TRDN: variants seen among roughly 807,000 people sequenced by gnomAD.
The protein encoded by TRDN is triadin in skeletal muscle.
In TRDN, 161 loss-of-function variants were observed where a neutral mutation model predicts 149.7. That is an observed-to-expected ratio of 1.08 (90% CI 0.95 to 1.23). TRDN has a LOEUF of 1.23. Ranked by LOEUF, TRDN falls within the 50% of genes most tolerant of loss-of-function variation. The pLI, the probability that TRDN is intolerant of heterozygous loss-of-function variation, is 0.00. For synonymous variants in TRDN, 294 were observed against 250.5 expected, an observed-to-expected ratio of 1.17 and a Z score of -1.64; for missense variants, 896 against 823.5, an observed-to-expected ratio of 1.09 and a Z score of -1.08.
chr6:123,403,608 G>GC (rs1181475099), intron 12 of TRDN, among the ~76,000 whole-genome samples: 1 of 152,124 alleles, frequency 6.6e-6, no homozygotes, highest in Non-Finnish European at 1.5e-5. Flanking sequence ...ATAAGTATCT[G>GC]CCTAGGGAGA....
chr6:123,536,384 CTTGTTTT>C (rs1443117926), intron 4 of TRDN, among the ~76,000 whole-genome samples: 1 of 151,918 alleles, frequency 6.6e-6, no homozygotes, highest in Non-Finnish European at 1.5e-5. Flanking sequence ...TCATATTTTA[CTTGTTTT>C]TTATGATACA....
chr6:123,599,637 A>AGGT (rs1784189680), intron 1 of TRDN, among the ~76,000 whole-genome samples: 1 of 151,940 alleles, frequency 6.6e-6, no homozygotes, highest in South Asian at 2.1e-4. Context: ...GATTTCTGTA[A>AGGT]GGTGGTTATT....
rs78296400 is a variant in TRDN, at chr6:123,293,888, C to T, written c.1511-14806G>A. Among the ~76,000 whole-genome samples, 1,026 of 152,126 alleles carry T rather than the reference C, an allele frequency of 6.7e-3. 10 individuals are homozygous for T. Among genetic ancestry groups the T allele is most frequent in the African/African-American group, 0.024 (992 of 41,500 alleles). On this transcript the variant is annotated intron_variant, in intron 24 of 40. Transcript: ENST00000334268. ...ACTGTCCATTATTTCATAAGACCCA[C>T]GAATACCAGAAGTAAGCTAGCAATA...
intron 21 of TRDN, among the ~76,000 whole-genome samples, chr6:123,342,613 T>C (rs1370932708): frequency 6.6e-6 from 1 of 151,990 alleles, no homozygotes; most frequent in Non-Finnish European, 1.5e-5. Context: ...CATAATTTTA[T>C]AGATGTGATA....
Position 123,585,020 on chromosome 6 carries a change from A to G in TRDN, c.23-13888T>C, listed in dbSNP as rs536682886. ...TAACAGGCTTTAATCCTTTCAAAGC[A>G]TGCTGTGGGATGGGATATTGGCATT... On this transcript the variant is annotated intron_variant, in intron 1 of 40. Transcript: ENST00000334268. 7.5e-3 allele frequency among the ~76,000 whole-genome samples: 1,140 copies of G among 151,826 alleles called. 10 individuals are homozygous for G. Among genetic ancestry groups the G allele is most frequent in the African/African-American group, 0.026 (1,075 of 41,248 alleles).
intron 9 of TRDN, among the ~76,000 whole-genome samples, chr6:123,473,374 C>T (rs1053268558): frequency 1.4e-4 from 21 of 151,392 alleles, no homozygotes; most frequent in Middle Eastern, 3.4e-3. Context: ...TGAAATGAAG[C>T]GAGAAGGGAA....
intron 12 of TRDN, among the ~76,000 whole-genome samples, chr6:123,416,350 C>T (rs1289861888): frequency 1.3e-5 from 2 of 152,166 alleles, no homozygotes; most frequent in African/African-American, 4.8e-5. Flanking sequence ...CTATTCTATT[C>T]CACTGCTTCT....
chr6:123,562,131 C>A (rs755169747), intron 2 of TRDN, among the ~76,000 whole-genome samples: 1 of 152,140 alleles, frequency 6.6e-6, no homozygotes, highest in Non-Finnish European at 1.5e-5. Context: ...AAAGCTCCCC[C>A]ACTGAGCACC....
At chr6:123,331,971 G>C (rs753394756) in intron 22 of TRDN, 42 bp from the exon 23 acceptor site, 8 of 1,423,036 alleles carry the variant, frequency 5.6e-6, no homozygotes, top group Admixed American at 2.3e-5. Flanking sequence ...CCAAGACAAA[G>C]AGATTTTCAG....
intron 7 of TRDN, chr6:123,509,809 T>G (rs1461756642): frequency 6.6e-6 from 1 of 151,980 alleles, no homozygotes; most frequent in Non-Finnish European, 1.5e-5. Flanking sequence ...TTCAACAAAT[T>G]TTTTGAAAAA....
At chr6:123,287,048 A>T (rs1306668312) in intron 24 of TRDN, among the ~76,000 whole-genome samples, 1 of 152,172 alleles carries the variant, frequency 6.6e-6, no homozygotes, top group East Asian at 1.9e-4. Context: ...GCATAAAAGG[A>T]TAATTTATTA....
chr6:123,323,163 G>A (rs1779321101), intron 23 of TRDN, among the ~76,000 whole-genome samples: 1 of 152,096 alleles, frequency 6.6e-6, no homozygotes, highest in Non-Finnish European at 1.5e-5. Context: ...CAGAATCCCT[G>A]TCTCACTATC....
At chr6:123,465,295 A>G (rs1368106664) in intron 9 of TRDN, among the ~76,000 whole-genome samples, 1 of 152,142 alleles carries the variant, frequency 6.6e-6, no homozygotes, top group Non-Finnish European at 1.5e-5. Context: ...TTTATTTTTA[A>G]TATACACACT....
At chr6:123,390,577 C>T (rs1445685616) in intron 13 of TRDN, among the ~76,000 whole-genome samples, 5 of 152,034 alleles carry the variant, frequency 3.3e-5, no homozygotes, top group Non-Finnish European at 7.4e-5. Context: ...TATTTATTGC[C>T]AACTGGAAAG....
chr6:123,498,324 G>A lies in TRDN; in HGVS notation c.794-1072C>T, dbSNP rs184074670. 1.0e-3 allele frequency: 286 copies of A among 272,988 alleles called. 1 individual carries two copies. Among genetic ancestry groups the A allele is most frequent in the Middle Eastern group, 5.8e-3 (4 of 690 alleles). The allele number at this position is 272,988 out of a possible 1,614,324, so 16.9% of individuals were successfully genotyped here. ...ACCTCTAAGGATTTTTGTAAATCTCGTTCTTTTTAGAGTAGTAACAGCATT... is the reference window on the plus strand; with the variant it reads ...ACCTCTAAGGATTTTTGTAAATCTCATTCTTTTTAGAGTAGTAACAGCATT... On this transcript the variant is annotated intron_variant, in intron 8 of 40. Transcript: ENST00000334268.
intron 1 of TRDN, among the ~76,000 whole-genome samples, chr6:123,590,569 C>G (rs1202037728): frequency 6.6e-6 from 1 of 152,098 alleles, no homozygotes; most frequent in Non-Finnish European, 1.5e-5. Context: ...TTGAGACCAG[C>G]CTGGCCAACA....
At chr6:123,576,806 A>C (rs929708598) in intron 1 of TRDN, among the ~76,000 whole-genome samples, 2 of 152,092 alleles carry the variant, frequency 1.3e-5, no homozygotes, top group African/African-American at 4.8e-5. Flanking sequence ...CACCACTAGA[A>C]AAAGAAATTC....
At chr6:123,599,660 G>A (rs1784191095) in intron 1 of TRDN, among the ~76,000 whole-genome samples, 2 of 151,734 alleles carry the variant, frequency 1.3e-5, no homozygotes, top group Admixed American at 1.3e-4. Context: ...GAGCACAAAT[G>A]TATTTCCCCA....
chr6:123,609,420 T>C (rs192900986), intron 1 of TRDN, among the ~76,000 whole-genome samples: 449 of 152,256 alleles, frequency 2.9e-3, no homozygotes, highest in Non-Finnish European at 5.0e-3. Flanking sequence ...GAGTATAATA[T>C]AGTTATAATG....
Sources: gnomAD v4.1 joint callset for allele counts (sites outside exome capture counted in the v4.1 genomes callset) on GRCh38, gnomAD v4.1.1 for gene constraint, MANE v1.5 for transcripts, NCBI Gene and HGNC (gene_info 2026-07-23, HGNC 2026-07-21) for gene names.